Variants in PTER observed in about 807,000 individuals in gnomAD.
The protein encoded by PTER is N-acetyltaurine hydrolase.
Under a neutral mutation model 29.6 loss-of-function variants are expected in PTER, and 38 were observed. The observed-to-expected ratio is 1.28, with a 90% CI of 0.99 to 1.68. PTER has a LOEUF of 1.68. PTER is among the 40% of genes most tolerant of loss of function. PTER has a pLI of 0.00. For missense variants in PTER, 482 were observed against 427.8 expected, an observed-to-expected ratio of 1.13 and a Z score of -1.12; for synonymous variants, 172 against 154.5, an observed-to-expected ratio of 1.11 and a Z score of -0.84.
intron 1 of PTER, among the ~76,000 whole-genome samples, chr10:16,475,032 A>C (rs532702070): frequency 6.6e-6 from 1 of 152,260 alleles, no homozygotes; most frequent in South Asian, 2.1e-4. Context: ...TGGTGGAAGG[A>C]AGGAGGAAGC....
At chr10:16,474,330 G>A (rs1835173563) in intron 1 of PTER, among the ~76,000 whole-genome samples, 1 of 152,150 alleles carries the variant, frequency 6.6e-6, no homozygotes, top group Non-Finnish European at 1.5e-5. Flanking sequence ...AGAAAAGAAT[G>A]TCATCTCACA....
At chr10:16,466,487 C>G (rs1239736468) in intron 1 of PTER, among the ~76,000 whole-genome samples, 2 of 152,196 alleles carry the variant, frequency 1.3e-5, no homozygotes, top group East Asian at 1.9e-4. Context: ...TCCCAAGTAA[C>G]TGGGATTACA....
At chr10:16,450,283 A>G (rs1195771868) in intron 1 of PTER, among the ~76,000 whole-genome samples, 2 of 152,138 alleles carry the variant, frequency 1.3e-5, no homozygotes. Context: ...TTGCCTGGCA[A>G]CTGCCTCAGG....
chr10:16,514,613 T>C (rs372477560), downstream of PTER: 17 of 1,613,760 alleles, frequency 1.1e-5, no homozygotes, highest in Non-Finnish European at 1.4e-5. Context: ...TAATTTGATA[T>C]AGACTTCATC....
chr10:16,457,533 A>C (rs1304704062), intron 1 of PTER, among the ~76,000 whole-genome samples: 1 of 151,812 alleles, frequency 6.6e-6, no homozygotes, highest in Non-Finnish European at 1.5e-5. Flanking sequence ...ATTATTAAGC[A>C]TTTCTTCTTT....
intron 1 of PTER, among the ~76,000 whole-genome samples, chr10:16,464,564 C>G (rs559458073): frequency 6.6e-6 from 1 of 152,314 alleles, no homozygotes; most frequent in African/African-American, 2.4e-5. Flanking sequence ...TTATGTAGTT[C>G]TCATCCTCTG....
chr10:16,495,732 A>G (rs1483313134), intron 3 of PTER, among the ~76,000 whole-genome samples: 1 of 152,220 alleles, frequency 6.6e-6, no homozygotes, highest in African/African-American at 2.4e-5. Context: ...GAATTCACAG[A>G]GTCAAATGGC....
At chr10:16,470,499 G>A (rs901184802) in intron 1 of PTER, among the ~76,000 whole-genome samples, 1 of 152,224 alleles carries the variant, frequency 6.6e-6, no homozygotes, top group Non-Finnish European at 1.5e-5. Context: ...AGGGAGCGGT[G>A]GCTCACGCCT....
chr10:16,506,483 C>T (rs76994121), intron 4 of PTER, among the ~76,000 whole-genome samples: 1 of 152,114 alleles, frequency 6.6e-6, no homozygotes, highest in African/African-American at 2.4e-5. Flanking sequence ...AAGTTTTTGT[C>T]TGAGTGTCTG....
intron 1 of PTER, among the ~76,000 whole-genome samples, chr10:16,477,302 G>GATAGATA (rs1187346995): frequency 3.4e-4 from 27 of 80,548 alleles, no homozygotes; most frequent in South Asian, 4.8e-4. Flanking sequence ...ATAGATAGAT[G>GATAGATA]GATGTCTGTC....
intron 1 of PTER, among the ~76,000 whole-genome samples, chr10:16,473,228 GGCCTTCT>G (rs1196699474): frequency 6.6e-6 from 1 of 151,870 alleles, no homozygotes; most frequent in African/African-American, 2.4e-5. Context: ...GAATAAAGGA[GGCCTTCT>G]GCCCACCCCA....
intron 2 of PTER, 23 bp from the exon 3 acceptor site, chr10:16,486,329 T>C (rs769600782): frequency 6.3e-7 from 1 of 1,592,068 alleles, no homozygotes; most frequent in South Asian, 1.1e-5. Flanking sequence ...CTATAAAATA[T>C]ATTCCTTCTC....
chr10:16,484,911 T>C, intron 2 of PTER, 95 bp downstream of exon 2: 1 of 1,351,844 alleles, frequency 7.4e-7, no homozygotes, highest in Non-Finnish European at 9.8e-7. Context: ...CTGGGCATGC[T>C]ACGGAAATTT....
intron 3 of PTER, among the ~76,000 whole-genome samples, chr10:16,496,242 G>A (rs1836092293): frequency 6.6e-6 from 1 of 152,160 alleles, no homozygotes. Flanking sequence ...CAATCCACCA[G>A]ATCTTTCCAA....
At chr10:16,502,211 C>T (rs1287173639) in intron 3 of PTER, among the ~76,000 whole-genome samples, 2 of 152,194 alleles carry the variant, frequency 1.3e-5, no homozygotes, top group Non-Finnish European at 2.9e-5. Context: ...CCTGCCCTCC[C>T]CCAGTACCCT....
At chr10:16,444,071 G>A (rs1327603219) in intron 1 of PTER, among the ~76,000 whole-genome samples, 5 of 149,616 alleles carry the variant, frequency 3.3e-5, no homozygotes, top group African/African-American at 4.9e-5. Context: ...GCGCGATCTC[G>A]GCTGACTGCA....
intron 1 of PTER, among the ~76,000 whole-genome samples, chr10:16,456,830 C>A (rs1170368110): frequency 8.1e-6 from 1 of 122,782 alleles, no homozygotes; most frequent in African/African-American, 3.4e-5. Flanking sequence ...GTGGGAGGGA[C>A]CTGGTGGGAG....
intron 3 of PTER, among the ~76,000 whole-genome samples, chr10:16,489,041 C>A (rs770618693): frequency 6.6e-6 from 1 of 152,188 alleles, no homozygotes; most frequent in African/African-American, 2.4e-5. Flanking sequence ...TCATCTGTAT[C>A]ACAAACTCCA....
intron 3 of PTER, among the ~76,000 whole-genome samples, chr10:16,501,034 C>T (rs559908487): frequency 2.0e-4 from 30 of 152,158 alleles, no homozygotes; most frequent in Non-Finnish European, 3.8e-4. Context: ...CAGGGTCAAG[C>T]GATTCTTCTG....
Sources: gnomAD v4.1 joint callset for allele counts (sites outside exome capture counted in the v4.1 genomes callset) on GRCh38, gnomAD v4.1.1 for gene constraint, MANE v1.5 for transcripts, NCBI Gene and HGNC (gene_info 2026-07-23, HGNC 2026-07-21) for gene names.